Variants in BMPR1B observed in about 807,000 individuals in gnomAD.
The protein encoded by BMPR1B is bone morphogenetic protein receptor type-1B.
Under a neutral mutation model 59.1 loss-of-function variants are expected in BMPR1B, and 12 were observed. The ratio of observed to expected loss-of-function variants is 0.20; its 90% CI spans 0.13 to 0.33. The LOEUF is 0.33. Ranked by LOEUF, BMPR1B falls within the 10% of genes least tolerant of loss-of-function variation. The probability of loss-of-function intolerance (pLI) is 1.00; values close to 1 mark genes in which losing one functional copy is unlikely to be tolerated. For synonymous variants in BMPR1B, 237 were observed against 207.3 expected (o/e 1.14, Z -1.23); for missense variants, 550 against 610.9 (o/e 0.90, Z 1.05).
intron 1 of BMPR1B, among the ~76,000 whole-genome samples, chr4:94,853,964 C>G (rs1010110040): frequency 6.6e-6 from 1 of 152,140 alleles, no homozygotes; most frequent in African/African-American, 2.4e-5. Flanking sequence ...ATTTTACAGC[C>G]TTTTTCTTCA....
rs762310135 is a variant in BMPR1B, at chr4:94,973,347, G to A, written c.-112-22693G>A. 4.6e-5 allele frequency among the ~76,000 whole-genome samples: 7 copies of A among 152,156 alleles called. No individual in the cohort carries two copies. The South Asian group carries it at 6.2e-4, about 14-fold the overall frequency. On this transcript the variant is annotated intron_variant, in intron 2 of 12. Coordinates refer to ENST00000515059, the MANE Select transcript of BMPR1B (RefSeq NM_001203.3). ...TGGTGTCCAGGAAAAATGAAGTCACGTGAATGAATTAAAGGATGGTAACTG... is the reference window on the plus strand; with the variant it reads ...TGGTGTCCAGGAAAAATGAAGTCACATGAATGAATTAAAGGATGGTAACTG...
rs1292534611 is a variant in BMPR1B, at chr4:95,031,717, A to T, written c.-18+35583A>T. On this transcript the variant is annotated intron_variant, in intron 3 of 12. Transcript: ENST00000515059. ...ACTCCTTGATTCACCAGTATGGATT[A>T]TGGTATCCTGGAAATCCAGGTTGAA... Among the ~76,000 whole-genome samples the T allele has an allele frequency of 2.6e-5, 4 of 152,272 alleles. No individual in the cohort carries two copies. The East Asian group carries it at 7.7e-4, about 29-fold the overall frequency.
At chr4:95,031,533 A>G (rs1724854574) in intron 3 of BMPR1B, among the ~76,000 whole-genome samples, 1 of 152,070 alleles carries the variant, frequency 6.6e-6, no homozygotes, top group Non-Finnish European at 1.5e-5. Context: ...ATCATAGTGT[A>G]CTATAGCCTT....
chr4:95,070,830 G>A (rs1000039575), intron 3 of BMPR1B, among the ~76,000 whole-genome samples: 11 of 152,018 alleles, frequency 7.2e-5, no homozygotes, highest in Non-Finnish European at 1.6e-4. Context: ...GAAAGATAAA[G>A]GCATTTATCT....
chr4:95,082,012 T>G (rs1031125597), intron 3 of BMPR1B, among the ~76,000 whole-genome samples: 2 of 152,034 alleles, frequency 1.3e-5, no homozygotes, highest in Admixed American at 6.6e-5. Flanking sequence ...ACTTTAAGTT[T>G]AGGGTACATG....
At chr4:94,901,377 A>G (rs188943056) in intron 2 of BMPR1B, among the ~76,000 whole-genome samples, 18 of 152,108 alleles carry the variant, frequency 1.2e-4, no homozygotes, top group African/African-American at 3.1e-4. Flanking sequence ...CTCAGTCAGA[A>G]TAAGACTCCT....
intron 2 of BMPR1B, among the ~76,000 whole-genome samples, chr4:94,971,646 C>G (rs561415545): frequency 5.9e-5 from 9 of 151,558 alleles, no homozygotes; most frequent in Admixed American, 2.6e-4. Flanking sequence ...TTTAATATTA[C>G]TAGAATATTT....
chr4:94,903,861 C>T (rs575561070), intron 2 of BMPR1B, among the ~76,000 whole-genome samples: 14 of 151,994 alleles, frequency 9.2e-5, no homozygotes, highest in Admixed American at 7.9e-4. Flanking sequence ...AGAAAGCAGC[C>T]CTGTGGACAC....
At chr4:95,052,931 AT>A (rs372826464) in intron 3 of BMPR1B, among the ~76,000 whole-genome samples, 1 of 152,312 alleles carries the variant, frequency 6.6e-6, no homozygotes, top group African/African-American at 2.4e-5. Flanking sequence ...AGCTCGAAGC[AT>A]GATATATGTG....
chr4:94,775,666 T>C (rs1394242047), intron 1 of BMPR1B, among the ~76,000 whole-genome samples: 1 of 152,260 alleles, frequency 6.6e-6, no homozygotes, highest in Non-Finnish European at 1.5e-5. Flanking sequence ...AAGTGTTTAG[T>C]TGCTTGACAT....
intron 2 of BMPR1B, among the ~76,000 whole-genome samples, chr4:94,945,910 A>G (rs532432381): frequency 1.1e-4 from 17 of 152,296 alleles, no homozygotes; most frequent in African/African-American, 3.4e-4. Flanking sequence ...AGAACAAACT[A>G]TATACCTTCC....
At chr4:94,912,883 G>T (rs1859156) in intron 2 of BMPR1B, among the ~76,000 whole-genome samples, 39,539 of 151,854 alleles carry the variant, frequency 0.26, 6,181 homozygotes, top group African/African-American at 0.43. Flanking sequence ...GTTGGAGGCA[G>T]AATTAAATGT....
chr4:94,828,989 T>C (rs1724478467), intron 1 of BMPR1B, among the ~76,000 whole-genome samples: 1 of 144,394 alleles, frequency 6.9e-6, no homozygotes, highest in Non-Finnish European at 1.5e-5. Context: ...GAGAAGTCAT[T>C]AAAAAAAAAA....
At chr4:95,057,361 C>T (rs1480724353) in intron 3 of BMPR1B, among the ~76,000 whole-genome samples, 1 of 152,086 alleles carries the variant, frequency 6.6e-6, no homozygotes, top group African/African-American at 2.4e-5. Context: ...TCTCCTGCCT[C>T]AGCCTCCCGA....
intron 1 of BMPR1B, among the ~76,000 whole-genome samples, chr4:94,802,883 C>T (rs901863907): frequency 6.6e-6 from 1 of 152,138 alleles, no homozygotes; most frequent in African/African-American, 2.4e-5. Context: ...TCAGTTATCT[C>T]ATGCTTTTTT....
intron 2 of BMPR1B, among the ~76,000 whole-genome samples, chr4:94,943,705 TAAAG>T (rs1729605657): frequency 6.6e-6 from 1 of 152,204 alleles, no homozygotes; most frequent in Admixed American, 6.5e-5. Flanking sequence ...CTCTTCGTGT[TAAAG>T]AAATGGAAAT....
chr4:94,888,584 A>T (rs1008183989), intron 2 of BMPR1B, among the ~76,000 whole-genome samples: 1 of 152,024 alleles, frequency 6.6e-6, no homozygotes, highest in South Asian at 2.1e-4. Context: ...TTGGGTGCTG[A>T]TATTGATCAT....
chr4:95,037,678 T>A (rs751070404), intron 3 of BMPR1B, among the ~76,000 whole-genome samples: 2 of 151,970 alleles, frequency 1.3e-5, no homozygotes, highest in Admixed American at 6.6e-5. Context: ...GAAGAAGAAA[T>A]TCATAAATAT....
chr4:94,765,535 G>A (rs893143876), intron 1 of BMPR1B, among the ~76,000 whole-genome samples: 5 of 152,144 alleles, frequency 3.3e-5, no homozygotes, highest in Admixed American at 2.6e-4. Context: ...AAATTAAGAG[G>A]CACTTGAGAA....
Sources: gnomAD v4.1 joint callset for allele counts (sites outside exome capture counted in the v4.1 genomes callset) on GRCh38, gnomAD v4.1.1 for gene constraint, MANE v1.5 for transcripts, NCBI Gene and HGNC (gene_info 2026-07-23, HGNC 2026-07-21) for gene names.